ADGRF3: variants seen among roughly 807,000 people sequenced by gnomAD.
ADGRF3 encodes G protein-coupled receptor 113.
A neutral mutation model predicts 93.2 loss-of-function variants in ADGRF3; 85 were observed. The observed-to-expected ratio is 0.91, with a 90% CI of 0.77 to 1.09. ADGRF3 has a LOEUF of 1.09. Among genes scored for constraint, ADGRF3 ranks in the 50% least tolerant of loss-of-function variants. ADGRF3 has a pLI of 0.00. For synonymous variants in ADGRF3, 534 were observed against 532.5 expected (o/e 1.00, Z -0.04); for missense variants, 1,125 against 1,246.2 (o/e 0.90, Z 1.46).
At chr2:26,320,019 GT>G (rs1242242112) in intron 1 of ADGRF3, among the ~76,000 whole-genome samples, 1 of 152,252 alleles carries the variant, frequency 6.6e-6, no homozygotes, top group South Asian at 2.1e-4. Flanking sequence ...ATGTATTTAA[GT>G]TTTTTAAATA....
chr2:26,344,694 G>T (rs1227520696), intron 1 of ADGRF3, among the ~76,000 whole-genome samples: 2 of 152,198 alleles, frequency 1.3e-5, no homozygotes, highest in East Asian at 3.9e-4. Context: ...TTAGCCGGGT[G>T]TGGTGGTGTG....
At chr2:26,319,422 A>T (rs1674973968) in intron 1 of ADGRF3, among the ~76,000 whole-genome samples, 1 of 152,220 alleles carries the variant, frequency 6.6e-6, no homozygotes, top group Admixed American at 6.5e-5. Flanking sequence ...TGAATCACTG[A>T]TCAAACAGTC....
At chr2:26,343,346 G>A (rs1676496108) in intron 1 of ADGRF3, among the ~76,000 whole-genome samples, 1 of 152,146 alleles carries the variant, frequency 6.6e-6, no homozygotes. Flanking sequence ...GAAGTTATAT[G>A]ATATACAGTT....
rs148823043 is a variant in ADGRF3, at chr2:26,311,306, G to T, written c.2218C>A (p.Arg740Ser). The change falls in exon 10 of 14, where the codon CGC becomes AGC. Residue 740 changes from arginine (R) to serine (S), a missense_variant. By Grantham distance (110) the Arg-to-Ser change is moderately radical. Coordinates refer to ENST00000651242, the MANE Select transcript of ADGRF3 (RefSeq NM_001321971.2). ...ACCATGTTGAGCAGGGCGGCGTGGC[G>T]GAAATAGGAGATCTTGTTCCGCACC... ...VVVRNKISYFRHAALLNMVFC... is the reference protein window; with the variant it reads ...VVVRNKISYFSHAALLNMVFC... The T allele has an allele frequency of 3.7e-6, 6 of 1,613,870 alleles. No homozygotes were observed. The East Asian group carries it at 1.3e-4, about 36-fold the overall frequency.
chr2:26,336,259 T>C (rs764932150), intron 1 of ADGRF3, among the ~76,000 whole-genome samples: 7 of 152,182 alleles, frequency 4.6e-5, no homozygotes, highest in Admixed American at 3.9e-4. Context: ...GCTTTGTATA[T>C]GCAACCTGAA....
In ADGRF3 at chr2:26,310,716, G is replaced by T. The variant is rs1385537252; in HGVS notation, c.2808C>A (p.Ile936=). The T allele has an allele frequency of 6.2e-7, 1 of 1,612,378 alleles. No homozygotes were observed. The highest frequency in any genetic ancestry group is 8.5e-7 in the Non-Finnish European group (1 of 1,179,240). ...LEEVSTVPHY[I]FTILNTLQGV... is the part of the protein sequence containing the mutation. Reference sequence around the variant, plus strand: ...CCTGGAGGGTGTTGAGAATGGTGAAGATGTAATGAGGGACCGTGGAGACTT... The same window carrying T: ...CCTGGAGGGTGTTGAGAATGGTGAATATGTAATGAGGGACCGTGGAGACTT... The change falls in exon 10 of 14, where the codon ATC becomes ATA. Residue 936 remains isoleucine, a synonymous_variant. Transcript: ENST00000651242.
intron 2 of ADGRF3, 124 bp from the exon 3 acceptor site, chr2:26,317,179 TC>T: frequency 9.9e-7 from 1 of 1,009,830 alleles, no homozygotes; most frequent in Non-Finnish European, 1.5e-6. Context: ...CCACAGCCTG[TC>T]CAGGTGCATA....
Position 26,310,081 on chromosome 2 carries a change from A to G in ADGRF3, c.2899T>C (p.Phe967Leu). The G allele has an allele frequency of 6.2e-7, 1 of 1,614,038 alleles. No homozygotes were observed. Among genetic ancestry groups the G allele is most frequent in the Non-Finnish European group, 8.5e-7 (1 of 1,179,894 alleles). Residue 967 changes from phenylalanine to leucine, a missense_variant, in exon 12 of 14, where the codon TTC (phenylalanine) becomes CTC (leucine). By Grantham distance (22) the Phe-to-Leu change is conservative. Transcript: ENST00000651242. ...RKIQEALRKR[F>L]CRAQAPSSTI... Reference sequence around the variant, plus strand: ...GAGCTGGGGGCTTGGGCGCGGCAGAAGCGTTTGCGCAAAGCTTCTTGTATC... The same window carrying G: ...GAGCTGGGGGCTTGGGCGCGGCAGAGGCGTTTGCGCAAAGCTTCTTGTATC...
chr2:26,309,580 G>C lies in ADGRF3; in HGVS notation c.2939C>G (p.Ala980Gly). 6.2e-7 allele frequency: 1 copy of C among 1,612,330 alleles called. No homozygotes were observed. The highest frequency in any genetic ancestry group is 8.5e-7 in the Non-Finnish European group (1 of 1,179,424). ...AQAPSSTISL[A>G]TNEGCILEHS... ...TTCCAAGATGCAGCCTTCATTTGTG[G>C]CCTAGGAAGGGGTGGGAAGGCCCAA... The change falls in exon 13 of 14, where the codon GCC (alanine) becomes GGC (glycine). Residue 980 changes from alanine (A) to glycine (G), a missense_variant and splice_region_variant. By Grantham distance (60) the Ala-to-Gly change is moderately conservative (BLOSUM62 0). Transcript: ENST00000651242.
chr2:26,309,453 G>A, intron 13 of ADGRF3, 73 bp downstream of exon 13: 3 of 1,569,358 alleles, frequency 1.9e-6, no homozygotes, highest in Non-Finnish European at 2.6e-6. Context: ...CCAGCACTTT[G>A]CCAGGAGGCC....
intron 1 of ADGRF3, among the ~76,000 whole-genome samples, chr2:26,337,843 C>T (rs561685526): frequency 2.6e-5 from 4 of 151,706 alleles, no homozygotes; most frequent in African/African-American, 4.8e-5. Context: ...GCTAACATGG[C>T]GAAAACCTGT....
intron 9 of ADGRF3, 46 bp downstream of exon 9, chr2:26,312,897 G>A (rs568286473): frequency 3.3e-6 from 5 of 1,535,014 alleles, no homozygotes; most frequent in Non-Finnish European, 4.4e-6. Context: ...GGAGTCTTCA[G>A]CCCCCGACTG....
At position 26,311,266 on chromosome 2, in the gene ADGRF3, G is replaced by T; in HGVS notation, c.2258C>A (p.Ala753Asp). 6.2e-7 allele frequency: 1 copy of T among 1,613,272 alleles called. No individual in the cohort carries two copies. Among genetic ancestry groups the T allele is most frequent in the South Asian group, 1.1e-5 (1 of 90,998 alleles). Residue 753 changes from alanine (A) to aspartate (D), a missense_variant, in exon 10 of 14, where the codon GCC becomes GAC. Transcript: ENST00000651242. Reference protein sequence around the residue: ...ALLNMVFCLLAADTCFLGAPF... With the variant: ...ALLNMVFCLLDADTCFLGAPF... ...GGCGCCCAGGAAGCAAGTGTCTGCG[G>T]CCAGCAAGCAGAACACCATGTTGAG...
Position 26,346,382 on chromosome 2 carries a change from C to T in ADGRF3, c.-148G>A, listed in dbSNP as rs1158929045. 1 of 1,388,876 alleles carries T rather than the reference C, an allele frequency of 7.2e-7. No homozygotes were observed. The highest frequency in any genetic ancestry group is 9.4e-7 in the Non-Finnish European group (1 of 1,063,596). 86.0% of individuals were successfully genotyped at this position (1,388,876 alleles called of 1,614,324 possible). A position where few individuals can be genotyped will look rare whatever the true frequency, so the allele number is the denominator to read the frequency against. ...CGGCGCGGTCCGTGTCACCTTGTGC[C>T]GCGTGGCTCCGGGCGGGCTGGCGGG... is the stretch of plus-strand genomic sequence containing the variant. On this transcript the variant is annotated 5_prime_UTR_variant, in exon 1 of 14. Coordinates refer to ENST00000651242, the MANE Select transcript of ADGRF3 (RefSeq NM_001321971.2).
chr2:26,319,067 C>T, intron 1 of ADGRF3: 2 of 1,536,990 alleles, frequency 1.3e-6, no homozygotes, highest in Non-Finnish European at 1.8e-6. Context: ...TGAAGCAGTC[C>T]CTACAAGCCC....
At chr2:26,338,959 A>G (rs1676211724) in intron 1 of ADGRF3, among the ~76,000 whole-genome samples, 1 of 150,494 alleles carries the variant, frequency 6.6e-6, no homozygotes, top group Non-Finnish European at 1.5e-5. Context: ...AACATGGTGA[A>G]ATCCTGTCTC....
At chr2:26,318,131 G>A (rs1674867065) in intron 1 of ADGRF3, 1 of 1,516,598 alleles carries the variant, frequency 6.6e-7, no homozygotes, top group Non-Finnish European at 8.9e-7. Context: ...TGTCTGGTAG[G>A]GAGGTGAGGA....
chr2:26,310,957 C>G lies in ADGRF3; in HGVS notation c.2567G>C (p.Gly856Ala), dbSNP rs892657524. The change falls in exon 10 of 14, where the codon GGG becomes GCG. Residue 856 changes from glycine (G) to alanine (A), a missense_variant. Gly to Ala is a moderately conservative substitution (Grantham distance 60). Coordinates refer to ENST00000651242, the MANE Select transcript of ADGRF3 (RefSeq NM_001321971.2). ...TGGCCCCACGAAGGTGTATAACGCC[C>G]CTCCCTTCCCATCCAACCAGCATTC... is the stretch of plus-strand genomic sequence containing the variant. ...EGECWLDGKG[G>A]ALYTFVGPVL... is the part of the protein sequence containing the mutation. The G allele has an allele frequency of 6.2e-7, 1 of 1,613,798 alleles. No homozygotes were observed. The highest frequency in any genetic ancestry group is 8.5e-7 in the Non-Finnish European group (1 of 1,179,818).
At chr2:26,313,351 C>T (rs771789260) in intron 8 of ADGRF3, 26 bp downstream of exon 8, 16 of 1,540,270 alleles carry the variant, frequency 1.0e-5, no homozygotes, top group South Asian at 1.3e-5. Flanking sequence ...GGAGGGGGCA[C>T]GTGGGCAGCA....
Sources: gnomAD v4.1 joint callset for allele counts (sites outside exome capture counted in the v4.1 genomes callset) on GRCh38, gnomAD v4.1.1 for gene constraint, MANE v1.5 for transcripts, NCBI Gene and HGNC (gene_info 2026-07-23, HGNC 2026-07-21) for gene names.